Variants in PARVA observed in about 807,000 individuals in gnomAD.
PARVA encodes the protein alpha-parvin.
A neutral mutation model predicts 52.6 loss-of-function variants in PARVA; 25 were observed. The observed-to-expected ratio is 0.48, with a 90% CI of 0.35 to 0.66. The LOEUF (loss-of-function observed/expected upper bound fraction) is 0.66. Ranked by LOEUF, PARVA falls within the 30% of genes least tolerant of loss-of-function variation. The pLI, the probability that PARVA is intolerant of heterozygous loss-of-function variation, is 0.01. For missense variants in PARVA, 373 were observed against 450.9 expected (o/e 0.83, Z 1.56); for synonymous variants, 185 against 179.1 (o/e 1.03, Z -0.26).
At chr11:12,394,068 A>G (rs2134957579) in intron 1 of PARVA, among the ~76,000 whole-genome samples, 1 of 152,322 alleles carries the variant, frequency 6.6e-6, no homozygotes, top group African/African-American at 2.4e-5. Context: ...AGCATTTCAC[A>G]CTTACTATTT....
intron 3 of PARVA, among the ~76,000 whole-genome samples, chr11:12,475,350 A>G (rs113078637): frequency 5.9e-5 from 9 of 152,190 alleles, no homozygotes; most frequent in African/African-American, 1.9e-4. Context: ...CTATAACCCT[A>G]TCCTTAGTTC....
chr11:12,465,019 C>T (rs1034995036), intron 1 of PARVA, among the ~76,000 whole-genome samples: 8 of 152,112 alleles, frequency 5.3e-5, no homozygotes, highest in South Asian at 2.1e-4. Context: ...ATAGGGTTTG[C>T]GCTCCTATGA....
At chr11:12,459,382 G>A (rs1330479944) in intron 1 of PARVA, among the ~76,000 whole-genome samples, 1 of 151,748 alleles carries the variant, frequency 6.6e-6, no homozygotes, top group Non-Finnish European at 1.5e-5. Flanking sequence ...GCCAGCTTGG[G>A]TAACAGAGAG....
intron 1 of PARVA, among the ~76,000 whole-genome samples, chr11:12,408,082 T>C (rs1038763820): frequency 6.6e-6 from 1 of 152,242 alleles, no homozygotes; most frequent in Admixed American, 6.5e-5. Flanking sequence ...TTCACGTGTG[T>C]CCTGCCAGTT....
intron 5 of PARVA, among the ~76,000 whole-genome samples, chr11:12,497,276 G>A (rs1941310254): frequency 6.6e-6 from 1 of 152,122 alleles, no homozygotes; most frequent in Non-Finnish European, 1.5e-5. Flanking sequence ...GAATCTAGCA[G>A]TAGCAACTGG....
chr11:12,426,399 G>A (rs1431003880), intron 1 of PARVA, among the ~76,000 whole-genome samples: 1 of 151,970 alleles, frequency 6.6e-6, no homozygotes, highest in East Asian at 1.9e-4. Flanking sequence ...TGAGTAAGGA[G>A]GGGGAGTGGC....
intron 9 of PARVA, chr11:12,513,582 C>A: frequency 1.5e-6 from 1 of 681,182 alleles, no homozygotes; most frequent in Non-Finnish European, 2.7e-6. Flanking sequence ...GCCTGTCTTC[C>A]CACCCAGGCT....
intron 11 of PARVA, among the ~76,000 whole-genome samples, 166 bp from the exon 12 acceptor site, chr11:12,518,279 G>A (rs942214602): frequency 2.0e-5 from 3 of 152,198 alleles, no homozygotes; most frequent in South Asian, 2.1e-4. Flanking sequence ...GGATCAGCTA[G>A]CTCACGCTCC....
At chr11:12,488,819 A>C (rs952979143) in intron 4 of PARVA, among the ~76,000 whole-genome samples, 1 of 152,218 alleles carries the variant, frequency 6.6e-6, no homozygotes, top group Non-Finnish European at 1.5e-5. Context: ...CCAGGTCACT[A>C]GTGCCCCAAG....
intron 1 of PARVA, among the ~76,000 whole-genome samples, chr11:12,416,451 G>A (rs1940068667): frequency 6.6e-6 from 1 of 152,314 alleles, no homozygotes; most frequent in South Asian, 2.1e-4. Context: ...AGAGAAGGAT[G>A]AGTTAGTAGA....
chr11:12,400,074 TTAAAAAA>T (rs1429157039), intron 1 of PARVA, among the ~76,000 whole-genome samples: 6 of 152,220 alleles, frequency 3.9e-5, no homozygotes, highest in South Asian at 2.1e-4. Flanking sequence ...CCAATCTCTA[TTAAAAAA>T]TAAAAATTAA....
chr11:12,467,889 G>A (rs544410289), intron 1 of PARVA, among the ~76,000 whole-genome samples: 66 of 152,196 alleles, frequency 4.3e-4, no homozygotes, highest in Non-Finnish European at 8.1e-4. Context: ...CTGGAACCCC[G>A]CCCTACTTAT....
chr11:12,472,225 A>G (rs77733611), intron 1 of PARVA, among the ~76,000 whole-genome samples: 2,626 of 152,336 alleles, frequency 0.017, 38 homozygotes, highest in Non-Finnish European at 0.026. Flanking sequence ...CTGATGAGCT[A>G]TTAAAAATCT....
At chr11:12,498,289 G>A (rs1423720647) in intron 5 of PARVA, among the ~76,000 whole-genome samples, 3 of 152,098 alleles carry the variant, frequency 2.0e-5, no homozygotes, top group Admixed American at 6.5e-5. Context: ...ACCCGCCTCG[G>A]CCTCCCAAAG....
chr11:12,377,448 C>T, upstream of PARVA: 2 of 1,383,972 alleles, frequency 1.4e-6, no homozygotes, highest in Non-Finnish European at 1.9e-6. Context: ...AGCGCAGCTC[C>T]TTCCAGGGCA....
At chr11:12,459,257 T>TA (rs1246752644) in intron 1 of PARVA, among the ~76,000 whole-genome samples, 1 of 151,560 alleles carries the variant, frequency 6.6e-6, no homozygotes, top group African/African-American at 2.4e-5. Flanking sequence ...ATACAAAAAT[T>TA]AGCTGGGCAT....
At chr11:12,449,163 T>A (rs1940589115) in intron 1 of PARVA, among the ~76,000 whole-genome samples, 3 of 152,058 alleles carry the variant, frequency 2.0e-5, no homozygotes, top group Admixed American at 2.0e-4. Flanking sequence ...TTTATTTTAT[T>A]TTATATTTTT....
At chr11:12,423,181 GA>G (rs1426268382) in intron 1 of PARVA, among the ~76,000 whole-genome samples, 3 of 138,764 alleles carry the variant, frequency 2.2e-5, no homozygotes, top group African/African-American at 7.7e-5. Flanking sequence ...TCATTAAGGA[GA>G]TTTTTTTTTT....
At chr11:12,380,823 C>T (rs1044649394) in intron 1 of PARVA, among the ~76,000 whole-genome samples, 3 of 152,160 alleles carry the variant, frequency 2.0e-5, no homozygotes, top group Non-Finnish European at 4.4e-5. Flanking sequence ...CCAGCCACGT[C>T]GCACTGTGAT....
Sources: allele counts gnomAD v4.1 joint callset (sites outside exome capture counted in the v4.1 genomes callset), GRCh38; gene constraint gnomAD v4.1.1; transcripts MANE v1.5; gene names NCBI Gene and HGNC (gene_info 2026-07-23, HGNC 2026-07-21).